The following MTMR7 variants were observed in gnomAD, a reference collection of about 807,000 sequenced individuals.
MTMR7 encodes the protein phosphatidylinositol-3-phosphate phosphatase MTMR7.
Under a neutral mutation model 81.2 loss-of-function variants are expected in MTMR7, and 76 were observed. That is an observed-to-expected ratio of 0.94 (90% CI 0.78 to 1.13). The LOEUF is 1.13. Ranked by LOEUF, MTMR7 falls within the 50% of genes most tolerant of loss-of-function variation. The probability of loss-of-function intolerance (pLI) is 0.00; values close to 1 mark genes in which losing one functional copy is unlikely to be tolerated. For missense variants in MTMR7, 1,044 were observed against 820.0 expected (o/e 1.27, Z -3.34); for synonymous variants, 372 against 289.8 (o/e 1.28, Z -2.88).
At position 17,313,307 on chromosome 8, in the gene MTMR7, T is replaced by C; in HGVS notation, c.960A>G (p.Gly320=). The part of the protein sequence containing the change: ...LRHIKAIMDA[G]IFIAKAVSEE... ...AATTGCATACCTTTGCAATGAAGATTCCTGCATCCATTATGGCTTTAATGT... is the reference window on the plus strand; with the variant it reads ...AATTGCATACCTTTGCAATGAAGATCCCTGCATCCATTATGGCTTTAATGT... The change falls in exon 8 of 14, where the codon GGA becomes GGG. Residue 320 remains glycine (G), a synonymous_variant. Transcript: ENST00000180173. 6.2e-7 allele frequency: 1 copy of C among 1,612,016 alleles called. No homozygotes were observed. The highest frequency in any genetic ancestry group is 8.5e-7 in the Non-Finnish European group (1 of 1,178,260).
At chr8:17,310,520 A>G (rs908249817) in intron 9 of MTMR7, among the ~76,000 whole-genome samples, 1 of 152,192 alleles carries the variant, frequency 6.6e-6, no homozygotes, top group Non-Finnish European at 1.5e-5. Context: ...GCCTAAGGGC[A>G]GTGTGTGACT....
At chr8:17,396,713 G>A (rs1394162899) in intron 1 of MTMR7, among the ~76,000 whole-genome samples, 1 of 152,032 alleles carries the variant, frequency 6.6e-6, no homozygotes, top group African/African-American at 2.4e-5. Flanking sequence ...TCAGCGGACT[G>A]GGGTAGCGTG....
At chr8:17,337,061 C>A (rs114419687) in intron 6 of MTMR7, among the ~76,000 whole-genome samples, 1 of 152,068 alleles carries the variant, frequency 6.6e-6, no homozygotes, top group East Asian at 1.9e-4. Flanking sequence ...TGCCAGGATT[C>A]TTAAAAGAAC....
chr8:17,309,421 A>C, intron 9 of MTMR7, 95 bp from the exon 10 acceptor site: 1 of 836,162 alleles, frequency 1.2e-6, no homozygotes, highest in Non-Finnish European at 2.0e-6. Context: ...AGGCACTTGC[A>C]GAAGTCCCCA....
intron 6 of MTMR7, among the ~76,000 whole-genome samples, chr8:17,336,178 C>T (rs770486495): frequency 1.2e-4 from 19 of 152,100 alleles, no homozygotes; most frequent in Non-Finnish European, 2.4e-4. Context: ...AAAGGAGATG[C>T]GCCTTGGCTT....
In MTMR7 at chr8:17,297,256, TAGA is replaced by T. The variant is rs1451350559; in HGVS notation, c.*2603_*2605del. Reference sequence around the variant, plus strand: ...AGATTTAAAGGTTAATATCTTAAAATAGAAGAAAATTCTAAATCAATCAATCAG... The same window carrying T: ...AGATTTAAAGGTTAATATCTTAAAATAGAAAATTCTAAATCAATCAATCAG... On this transcript the variant is annotated 3_prime_UTR_variant, in exon 14 of 14. Transcript: ENST00000180173. 6.6e-6 allele frequency: 1 copy of T among 152,098 alleles called. No homozygotes were observed. Among genetic ancestry groups the T allele is most frequent in the Non-Finnish European group, 1.5e-5 (1 of 67,972 alleles). 9.4% of individuals were successfully genotyped at this position (152,098 alleles called of 1,614,324 possible).
intron 4 of MTMR7, among the ~76,000 whole-genome samples, chr8:17,350,159 T>C (rs933060907): frequency 6.6e-6 from 1 of 152,238 alleles, no homozygotes; most frequent in Non-Finnish European, 1.5e-5. Flanking sequence ...GGAAGTGTCC[T>C]GGGATATGTC....
chr8:17,359,881 A>T (rs1243881245), intron 4 of MTMR7, among the ~76,000 whole-genome samples: 1 of 152,212 alleles, frequency 6.6e-6, no homozygotes, highest in Non-Finnish European at 1.5e-5. Context: ...CAACCTTTCC[A>T]CAATTATTTT....
chr8:17,315,530 A>T (rs1365453628), intron 7 of MTMR7, among the ~76,000 whole-genome samples: 1 of 152,160 alleles, frequency 6.6e-6, no homozygotes, highest in East Asian at 1.9e-4. Context: ...TCCGTCGGGG[A>T]TGTGAATAAT....
At chr8:17,320,766 C>T (rs1055203765) in intron 7 of MTMR7, among the ~76,000 whole-genome samples, 1 of 152,218 alleles carries the variant, frequency 6.6e-6, no homozygotes, top group Non-Finnish European at 1.5e-5. Flanking sequence ...AGGCTCACTT[C>T]TGCCTATGCA....
At chr8:17,348,557 A>G (rs1463796838) in intron 5 of MTMR7, among the ~76,000 whole-genome samples, 2 of 151,176 alleles carry the variant, frequency 1.3e-5, no homozygotes, top group East Asian at 4.0e-4. Context: ...CTCAAAAAAA[A>G]AAAAAAAAAA....
chr8:17,348,872 A>G lies in MTMR7; in HGVS notation c.597+81T>C. On this transcript the variant is annotated intron_variant, in intron 5 of 13. Coordinates refer to ENST00000180173, the MANE Select transcript of MTMR7 (RefSeq NM_004686.5). The stretch of plus-strand genomic sequence containing the variant: ...AGAATTCAAACACACACACACGCAC[A>G]GCAGAAGGCAGCTAGAAAATGCCTG... The G allele has an allele frequency of 3.3e-6, 5 of 1,534,704 alleles. No homozygotes were observed. The South Asian group carries it at 4.5e-5, about 14-fold the overall frequency.
chr8:17,337,302 T>A (rs1374432700), intron 6 of MTMR7, among the ~76,000 whole-genome samples: 1 of 149,772 alleles, frequency 6.7e-6, no homozygotes, highest in Non-Finnish European at 1.5e-5. Flanking sequence ...GAGATGGAGG[T>A]TGCAGTGATC....
At chr8:17,380,054 C>T (rs979332813) in intron 1 of MTMR7, among the ~76,000 whole-genome samples, 6 of 151,974 alleles carry the variant, frequency 3.9e-5, no homozygotes, top group Non-Finnish European at 4.4e-5. Context: ...GATGGTGAGT[C>T]GATCTGCAAC....
At chr8:17,400,791 C>T (rs1207062793) in intron 1 of MTMR7, among the ~76,000 whole-genome samples, 3 of 152,152 alleles carry the variant, frequency 2.0e-5, no homozygotes, top group Non-Finnish European at 4.4e-5. Flanking sequence ...ATGAAGCAAT[C>T]CACTTAAAAG....
intron 1 of MTMR7, among the ~76,000 whole-genome samples, chr8:17,389,412 A>C (rs539541842): frequency 1.3e-4 from 20 of 152,256 alleles, no homozygotes; most frequent in African/African-American, 4.8e-4. Flanking sequence ...AACTGTGGGA[A>C]GAAAGGAAAA....
Position 17,353,296 on chromosome 8 carries a change from T to TG in MTMR7, c.469-4216dup, listed in dbSNP as rs1427820270. ...TGCCAGGGGCTGTGGTAGGTGGGAA[T>TG]GGGGAGTTGTTTAATGGGTATAGAG... On this transcript the variant is annotated intron_variant, in intron 4 of 13. Transcript: ENST00000180173. Among the ~76,000 whole-genome samples, 5 of 152,190 alleles carry TG rather than the reference T, an allele frequency of 3.3e-5. 1 individual carries two copies. In the East Asian group the frequency reaches 7.7e-4, roughly 24 times the overall value.
intron 5 of MTMR7, among the ~76,000 whole-genome samples, chr8:17,344,639 G>T (rs1009822961): frequency 1.3e-5 from 2 of 152,020 alleles, no homozygotes; most frequent in African/African-American, 4.8e-5. Context: ...AGAAAGACCT[G>T]GCTTCCAGTA....
rs768999498 is a variant in MTMR7 at position 17,321,016 on chromosome 8, G to T, written c.866-7615C>A. The stretch of plus-strand genomic sequence containing the variant: ...TTGCAGTCTTTTTTTTTACTGAACA[G>T]GCCAAACTTTCCAGTTGTTATTATA... On this transcript the variant is annotated intron_variant, in intron 7 of 13. Coordinates refer to ENST00000180173, the MANE Select transcript of MTMR7 (RefSeq NM_004686.5). Among the ~76,000 whole-genome samples the T allele has an allele frequency of 2.6e-5, 4 of 151,988 alleles. No homozygotes were observed. The Middle Eastern group carries it at 0.01, about 390-fold the overall frequency.
Sources: allele counts gnomAD v4.1 joint callset (sites outside exome capture counted in the v4.1 genomes callset), GRCh38; gene constraint gnomAD v4.1.1; transcripts MANE v1.5; gene names NCBI Gene and HGNC (gene_info 2026-07-23, HGNC 2026-07-21).